Variants in ANKRD6 observed in about 807,000 individuals in gnomAD.
ANKRD6 encodes the protein ankyrin repeat domain 6, also known as ankyrin repeat domain-containing protein 6.
Under a neutral mutation model 82.3 loss-of-function variants are expected in ANKRD6, and 56 were observed. The ratio of observed to expected loss-of-function variants is 0.68; its 90% CI spans 0.55 to 0.85. The LOEUF (loss-of-function observed/expected upper bound fraction) is 0.85. Among genes scored for constraint, ANKRD6 ranks in the 40% least tolerant of loss-of-function variants. The pLI is 0.00. For synonymous variants in ANKRD6, 347 were observed against 352.1 expected (o/e 0.99, Z 0.16); for missense variants, 852 against 907.6 (o/e 0.94, Z 0.79).
At chr6:89,479,444 A>G (rs1017791927) in intron 1 of ANKRD6, among the ~76,000 whole-genome samples, 1 of 152,144 alleles carries the variant, frequency 6.6e-6, no homozygotes, top group African/African-American at 2.4e-5. Context: ...TACCAGATGG[A>G]GCTTTCCTGG....
intron 15 of ANKRD6, 113 bp from the exon 16 acceptor site, chr6:89,630,320 A>G: frequency 7.9e-6 from 10 of 1,264,618 alleles, no homozygotes; most frequent in Non-Finnish European, 9.6e-6. Context: ...GTGGGTGGTG[A>G]TGGAGAAGGC....
At chr6:89,477,787 AAG>A (rs1310828130) in intron 1 of ANKRD6, among the ~76,000 whole-genome samples, 7 of 151,828 alleles carry the variant, frequency 4.6e-5, no homozygotes, top group Non-Finnish European at 1.0e-4. Flanking sequence ...AAAAAAAAAA[AAG>A]AATTCTTTTT....
intron 1 of ANKRD6, among the ~76,000 whole-genome samples, chr6:89,527,692 G>A (rs181129227): frequency 4.6e-5 from 7 of 151,176 alleles, no homozygotes; most frequent in Non-Finnish European, 1.5e-5. Flanking sequence ...TCAGTGAATT[G>A]CAATCTTTTT....
intron 5 of ANKRD6, among the ~76,000 whole-genome samples, chr6:89,609,192 A>C (rs1001924827): frequency 2.0e-5 from 3 of 152,242 alleles, no homozygotes; most frequent in Non-Finnish European, 2.9e-5. Context: ...GCAGCAAGCT[A>C]CGTATGGTAA....
intron 1 of ANKRD6, among the ~76,000 whole-genome samples, chr6:89,460,454 T>C (rs1427111447): frequency 3.9e-5 from 6 of 152,256 alleles, no homozygotes; most frequent in African/African-American, 1.4e-4. Context: ...TTTGTTTTTT[T>C]TGAGACAAAG....
At chr6:89,551,471 A>G (rs1414999242) in intron 1 of ANKRD6, among the ~76,000 whole-genome samples, 2 of 152,178 alleles carry the variant, frequency 1.3e-5, no homozygotes, top group Admixed American at 6.5e-5. Flanking sequence ...CCCCAGGAAA[A>G]GGGTTGTCAG....
At chr6:89,604,130 C>T (rs1401436583) in intron 4 of ANKRD6, among the ~76,000 whole-genome samples, 1 of 152,196 alleles carries the variant, frequency 6.6e-6, no homozygotes, top group Non-Finnish European at 1.5e-5. Context: ...AGTTCGAGAC[C>T]AGCCTGGCTA....
At chr6:89,581,587 C>T (rs1392947357) in intron 2 of ANKRD6, 1 of 152,270 alleles carries the variant, frequency 6.6e-6, no homozygotes, top group African/African-American at 2.4e-5. Context: ...GCCTCGGTTC[C>T]TCTTCACTTC....
chr6:89,609,771 C>G (rs1276374979), intron 5 of ANKRD6, among the ~76,000 whole-genome samples: 1 of 151,734 alleles, frequency 6.6e-6, no homozygotes, highest in Non-Finnish European at 1.5e-5. Context: ...ACCACCATGC[C>G]CAGCTAATTT....
chr6:89,591,136 T>C (rs1250805923), intron 2 of ANKRD6, among the ~76,000 whole-genome samples: 1 of 152,192 alleles, frequency 6.6e-6, no homozygotes, highest in Non-Finnish European at 1.5e-5. Flanking sequence ...GAAGGTCTTA[T>C]TCTGTTGCCC....
At chr6:89,545,227 AAAAG>A (rs1191614323) in intron 1 of ANKRD6, among the ~76,000 whole-genome samples, 28 of 103,624 alleles carry the variant, frequency 2.7e-4, no homozygotes, top group African/African-American at 7.3e-4. Flanking sequence ...AAAAAAAAAA[AAAAG>A]AAAAGAAAAA....
In ANKRD6 at chr6:89,612,185, G is replaced by A. The variant is rs116881007; in HGVS notation, c.418-87G>A. ...GAATGTGAGCGTTGCCTTTTCCCCC[G>A]AGTAAGTACTGCCCCTCTGCAAGGC... On this transcript the variant is annotated intron_variant, in intron 5 of 15. Transcript: ENST00000339746. 8.4e-5 allele frequency: 103 copies of A among 1,228,192 alleles called. 1 individual carries two copies. The East Asian group carries it at 2.1e-3, about 25-fold the overall frequency. 76.1% of individuals were successfully genotyped at this position (1,228,192 alleles called of 1,614,324 possible). A position where few individuals can be genotyped will look rare whatever the true frequency, so the allele number is the denominator to read the frequency against.
intron 1 of ANKRD6, among the ~76,000 whole-genome samples, chr6:89,516,205 C>A (rs937902534): frequency 6.6e-6 from 1 of 152,278 alleles, no homozygotes; most frequent in Non-Finnish European, 1.5e-5. Flanking sequence ...CTGAGTAGAG[C>A]AGATGGCCCT....
At chr6:89,454,779 A>G (rs1444365922) in intron 1 of ANKRD6, among the ~76,000 whole-genome samples, 1 of 152,084 alleles carries the variant, frequency 6.6e-6, no homozygotes, top group East Asian at 1.9e-4. Context: ...AGTTCTACGA[A>G]CCAAATGTAC....
chr6:89,629,563 C>T, intron 15 of ANKRD6: 1 of 358,872 alleles, frequency 2.8e-6, no homozygotes, highest in Non-Finnish European at 5.4e-6. Context: ...CCATCGGTCT[C>T]CTCAGCAGGG....
At chr6:89,602,779 G>A (rs576280231) in intron 3 of ANKRD6, 27 of 482,662 alleles carry the variant, frequency 5.6e-5, no homozygotes, top group African/African-American at 2.1e-4. Flanking sequence ...CTCTGTGGCC[G>A]AGGGCTATTC....
chr6:89,598,600 A>G (rs2128162108), intron 3 of ANKRD6, among the ~76,000 whole-genome samples: 1 of 152,286 alleles, frequency 6.6e-6, no homozygotes, highest in East Asian at 1.9e-4. Context: ...AAGAAAAATA[A>G]CAGTATTTCA....
intron 2 of ANKRD6, among the ~76,000 whole-genome samples, chr6:89,568,685 A>G (rs894103441): frequency 6.6e-6 from 1 of 152,082 alleles, no homozygotes; most frequent in African/African-American, 2.4e-5. Flanking sequence ...ATGTAAGAAG[A>G]GGCACCAGGG....
At chr6:89,480,755 T>C (rs901777768) in intron 1 of ANKRD6, among the ~76,000 whole-genome samples, 7 of 150,926 alleles carry the variant, frequency 4.6e-5, no homozygotes, top group African/African-American at 1.5e-4. Flanking sequence ...CTGGGCAACA[T>C]AGTGAGACCA....
Sources: gnomAD v4.1 joint callset for allele counts (sites outside exome capture counted in the v4.1 genomes callset) on GRCh38, gnomAD v4.1.1 for gene constraint, MANE v1.5 for transcripts, NCBI Gene and HGNC (gene_info 2026-07-23, HGNC 2026-07-21) for gene names.